Variants in SPRED2 observed in about 807,000 individuals in gnomAD.
SPRED2 encodes the protein sprouty-related, EVH1 domain-containing protein 2.
A neutral mutation model predicts 43.0 loss-of-function variants in SPRED2; 47 were observed. That is an observed-to-expected ratio of 1.09 (90% CI 0.87 to 1.40). The LOEUF (loss-of-function observed/expected upper bound fraction) is 1.40. Among genes scored for constraint, SPRED2 ranks in the 40% most tolerant of loss-of-function variants. The probability of loss-of-function intolerance (pLI) is 0.00; values close to 1 mark genes in which losing one functional copy is unlikely to be tolerated. For missense variants in SPRED2, 561 were observed against 586.4 expected (o/e 0.96, Z 0.45); for synonymous variants, 225 against 225.7 (o/e 1.00, Z 0.03).
rs1431625902 is a variant in SPRED2, at chr2:65,432,537, A to G, written c.-550T>C. 6.6e-6 allele frequency: 1 copy of G among 152,504 alleles called. No individual in the cohort carries two copies. Among genetic ancestry groups the G allele is most frequent in the Non-Finnish European group, 1.5e-5 (1 of 68,220 alleles). The allele number at this position is 152,504 out of a possible 1,614,324, so 9.4% of individuals were successfully genotyped here. ...CCATATTGGATTCTCACCGCCGCCA[A>G]CAGGAGGAGGAAGTAGGGCGGAAGC... On this transcript the variant is annotated 5_prime_UTR_variant, in exon 1 of 6. Coordinates refer to ENST00000356388, the MANE Select transcript of SPRED2 (RefSeq NM_181784.3).
At chr2:65,420,734 G>A (rs1676402562) in intron 1 of SPRED2, among the ~76,000 whole-genome samples, 1 of 152,088 alleles carries the variant, frequency 6.6e-6, no homozygotes, top group Non-Finnish European at 1.5e-5. Context: ...ACCAACTCCC[G>A]CTTAAGACTT....
intron 1 of SPRED2, among the ~76,000 whole-genome samples, chr2:65,360,238 T>A (rs1224577992): frequency 6.6e-6 from 1 of 152,096 alleles, no homozygotes; most frequent in African/African-American, 2.4e-5. Flanking sequence ...AAGGAACAAC[T>A]CTCTGCTCAT....
At chr2:65,329,847 T>C (rs955490423) in intron 4 of SPRED2, among the ~76,000 whole-genome samples, 2 of 152,184 alleles carry the variant, frequency 1.3e-5, no homozygotes, top group African/African-American at 4.8e-5. Context: ...GGAAGTCTGT[T>C]GGGAGCTATA....
chr2:65,346,015 CGTTAT>C (rs1252198293), intron 1 of SPRED2, among the ~76,000 whole-genome samples: 1 of 152,114 alleles, frequency 6.6e-6, no homozygotes, highest in Admixed American at 6.5e-5. Context: ...ATATGCCAGG[CGTTAT>C]AACAGATTCT....
intron 1 of SPRED2, among the ~76,000 whole-genome samples, chr2:65,366,000 A>G (rs1037871325): frequency 6.6e-6 from 1 of 151,822 alleles, no homozygotes; most frequent in Non-Finnish European, 1.5e-5. Context: ...TTAATGCATG[A>G]ATTCAGTATG....
chr2:65,356,234 A>G (rs1020917978), intron 1 of SPRED2, among the ~76,000 whole-genome samples: 2 of 152,226 alleles, frequency 1.3e-5, no homozygotes, highest in Admixed American at 1.3e-4. Context: ...TTTGAAATGC[A>G]TTTAAAAAAA....
intron 1 of SPRED2, among the ~76,000 whole-genome samples, chr2:65,384,086 G>A (rs1675436762): frequency 6.8e-6 from 1 of 146,422 alleles, no homozygotes; most frequent in African/African-American, 2.4e-5. Flanking sequence ...CATTCTTGAT[G>A]TGCAGGATCT....
chr2:65,337,164 G>A (rs1673990888), intron 2 of SPRED2, among the ~76,000 whole-genome samples: 2 of 152,086 alleles, frequency 1.3e-5, no homozygotes, highest in South Asian at 2.1e-4. Flanking sequence ...AAGTGAGGGG[G>A]GAAATCAGAT....
chr2:65,337,700 G>A (rs907298976), intron 2 of SPRED2, among the ~76,000 whole-genome samples: 1 of 152,092 alleles, frequency 6.6e-6, no homozygotes, highest in African/African-American at 2.4e-5. Context: ...GATACAGGAA[G>A]GTAAAATAAT....
intron 1 of SPRED2, among the ~76,000 whole-genome samples, chr2:65,348,717 T>C (rs1052196009): frequency 6.7e-6 from 1 of 150,366 alleles, no homozygotes; most frequent in African/African-American, 2.5e-5. Context: ...GGCAGGAGAA[T>C]AGCTTGAACC....
At chr2:65,422,104 A>ACACACACTCTCTCT (rs1299857849) in intron 1 of SPRED2, among the ~76,000 whole-genome samples, 9 of 129,030 alleles carry the variant, frequency 7.0e-5, no homozygotes, top group Non-Finnish European at 9.9e-5. Context: ...ACACACACAC[A>ACACACACTCTCTCT]CTCTCTCTCT....
intron 1 of SPRED2, among the ~76,000 whole-genome samples, chr2:65,355,389 C>A (rs1474923553): frequency 6.6e-6 from 1 of 152,074 alleles, no homozygotes; most frequent in African/African-American, 2.4e-5. Flanking sequence ...CACGAAAACA[C>A]GAATGGCTCT....
intron 1 of SPRED2, among the ~76,000 whole-genome samples, chr2:65,391,034 G>A (rs2103684396): frequency 6.7e-6 from 1 of 149,368 alleles, no homozygotes; most frequent in South Asian, 2.1e-4. Context: ...GCTGCAGTGA[G>A]CCAGGTTCAT....
intron 1 of SPRED2, among the ~76,000 whole-genome samples, chr2:65,349,285 G>C (rs1330626742): frequency 7.8e-6 from 1 of 127,936 alleles, no homozygotes; most frequent in African/African-American, 2.8e-5. Context: ...AGATCAGCCT[G>C]GCGACACAGC....
chr2:65,405,908 C>A lies in SPRED2; in HGVS notation c.26+26054G>T, dbSNP rs564008215. On this transcript the variant is annotated intron_variant, in intron 1 of 5. Transcript: ENST00000356388. ...GACTGTTCCCACTTTCTGTCAGGCA[C>A]TCCATAATTCAAACCTATTTCTCCA... Among the ~76,000 whole-genome samples the A allele has an allele frequency of 2.6e-5, 4 of 152,224 alleles. No homozygotes were observed. The South Asian group carries it at 8.3e-4, about 32-fold the overall frequency.
At chr2:65,334,306 A>G (rs923233842) in intron 3 of SPRED2, 12 of 504,186 alleles carry the variant, frequency 2.4e-5, no homozygotes, top group Non-Finnish European at 4.8e-5. Context: ...TTCAATAGTC[A>G]GGACAAGGTG....
chr2:65,397,399 T>C (rs903936426), intron 1 of SPRED2, among the ~76,000 whole-genome samples: 3 of 152,186 alleles, frequency 2.0e-5, no homozygotes, highest in African/African-American at 7.2e-5. Flanking sequence ...GAATGGGTTG[T>C]GGCTTATGAC....
At chr2:65,347,188 C>T (rs181281961) in intron 1 of SPRED2, among the ~76,000 whole-genome samples, 1 of 152,150 alleles carries the variant, frequency 6.6e-6, no homozygotes, top group Admixed American at 6.5e-5. Flanking sequence ...CTTTTGCCCT[C>T]CCCCAAACCC....
At chr2:65,338,715 G>A (rs1422849327) in intron 2 of SPRED2, among the ~76,000 whole-genome samples, 1 of 151,726 alleles carries the variant, frequency 6.6e-6, no homozygotes, top group African/African-American at 2.4e-5. Context: ...CTGCCCGGCC[G>A]CCACCCCGTC....
Sources: allele counts gnomAD v4.1 joint callset (sites outside exome capture counted in the v4.1 genomes callset), GRCh38; gene constraint gnomAD v4.1.1; transcripts MANE v1.5; gene names NCBI Gene and HGNC (gene_info 2026-07-23, HGNC 2026-07-21).